Variants in RB1 observed in about 807,000 individuals in gnomAD.
The protein encoded by RB1 is retinoblastoma-associated protein.
A neutral mutation model predicts 135.4 loss-of-function variants in RB1; 18 were observed. The ratio of observed to expected loss-of-function variants is 0.13; its 90% CI spans 0.09 to 0.20. The LOEUF is 0.20. RB1 is among the 10% of genes least tolerant of loss of function. RB1 has a pLI of 1.00. For synonymous variants in RB1, 365 were observed against 373.2 expected, an observed-to-expected ratio of 0.98 and a Z score of 0.25; for missense variants, 868 against 1,110.0, an observed-to-expected ratio of 0.78 and a Z score of 3.10.
chr13:48,364,493 T>C (rs1468219408), intron 8 of RB1, among the ~76,000 whole-genome samples: 2 of 152,220 alleles, frequency 1.3e-5, no homozygotes, highest in African/African-American at 4.8e-5. Flanking sequence ...ATTTAGTATG[T>C]ATATATAGTA....
chr13:48,334,814 G>A (rs1278847481), intron 2 of RB1, among the ~76,000 whole-genome samples: 2 of 152,114 alleles, frequency 1.3e-5, no homozygotes, highest in African/African-American at 2.4e-5. Context: ...TGGTTCAAAT[G>A]AACTCAACTA....
intron 12 of RB1, among the ~76,000 whole-genome samples, chr13:48,374,422 T>G (rs1015246278): frequency 2.6e-5 from 4 of 152,340 alleles, no homozygotes; most frequent in African/African-American, 9.6e-5. Context: ...CTGTGCTTTT[T>G]GTACTTGTTA....
rs1399272353 is a variant in RB1, at chr13:48,463,719, T to C, written c.2107-12T>C. 3 of 1,416,662 alleles carry C rather than the reference T, an allele frequency of 2.1e-6. No individual in the cohort carries two copies. Among genetic ancestry groups the C allele is most frequent in the African/African-American group, 2.8e-5 (2 of 70,940 alleles). 87.8% of individuals were successfully genotyped at this position (1,416,662 alleles called of 1,614,324 possible). On this transcript the variant is annotated splice_polypyrimidine_tract_variant and intron_variant, in intron 20 of 26. Coordinates refer to ENST00000267163, the MANE Select transcript of RB1 (RefSeq NM_000321.3). The stretch of plus-strand genomic sequence containing the variant: ...AAAATTCTGACTACTTTTACATCAA[T>C]TTATTTACTAGATTATGATGTGTTC...
chr13:48,371,051 A>G (rs1473257365), intron 11 of RB1, among the ~76,000 whole-genome samples: 4 of 152,336 alleles, frequency 2.6e-5, no homozygotes, highest in South Asian at 4.1e-4. Flanking sequence ...CTGGGGAACT[A>G]TTAGCAGCTC....
rs756876412 is a variant in RB1 at position 48,459,886 on chromosome 13, ATTCTTTCTTTCT to A, written c.2106+108_2106+119del. 2.1e-4 allele frequency: 211 copies of A among 1,007,132 alleles called. 9 individuals are homozygous for A. Among genetic ancestry groups the A allele is most frequent in the Middle Eastern group, 1.8e-3 (7 of 3,818 alleles). The allele number at this position is 1,007,132 out of a possible 1,614,324, so 62.4% of individuals were successfully genotyped here. On this transcript the variant is annotated intron_variant, in intron 20 of 26. Transcript: ENST00000267163. ...CTCCTCCCTACTTACTTGTTAACTG[ATTCTTTCTTTCT>A]TTCTTTCTTTCTTTCTTTCTTTCTT...
intron 2 of RB1, chr13:48,320,040 C>T (rs1487285884): frequency 1.0e-5 from 5 of 491,772 alleles, no homozygotes; most frequent in East Asian, 4.6e-5. Flanking sequence ...CTGCCAGCCC[C>T]GGGCTGTGCG....
At chr13:48,329,299 T>C (rs1304313592) in intron 2 of RB1, among the ~76,000 whole-genome samples, 2 of 152,216 alleles carry the variant, frequency 1.3e-5, no homozygotes, top group Non-Finnish European at 2.9e-5. Flanking sequence ...AATCATCAGG[T>C]ACCTATTATT....
At chr13:48,355,953 G>T (rs1247229249) in intron 6 of RB1, among the ~76,000 whole-genome samples, 1 of 151,962 alleles carries the variant, frequency 6.6e-6, no homozygotes, top group Non-Finnish European at 1.5e-5. Flanking sequence ...AGGTGAGGAT[G>T]GTTAATGGGT....
At chr13:48,310,806 A>T (rs550493476) in intron 2 of RB1, among the ~76,000 whole-genome samples, 2 of 152,296 alleles carry the variant, frequency 1.3e-5, no homozygotes, top group East Asian at 3.9e-4. Flanking sequence ...TAATCCCTTT[A>T]AAGGAAAAGT....
At chr13:48,339,139 C>T (rs1370312781) in intron 2 of RB1, among the ~76,000 whole-genome samples, 5 of 152,186 alleles carry the variant, frequency 3.3e-5, no homozygotes, top group African/African-American at 1.2e-4. Context: ...CTTGAGGAGG[C>T]AGTCTGTCCA....
At chr13:48,328,324 T>A (rs1952305113) in intron 2 of RB1, 1 of 1,588,056 alleles carries the variant, frequency 6.3e-7, no homozygotes, top group Non-Finnish European at 8.6e-7. Flanking sequence ...GTTGGAACAG[T>A]TTCTTTAGGC....
intron 25 of RB1, 50 bp downstream of exon 25, chr13:48,476,893 G>A (rs761220719): frequency 3.8e-6 from 6 of 1,596,338 alleles, no homozygotes; most frequent in Non-Finnish European, 5.2e-6. Context: ...GTCATCTGGG[G>A]AATCCAGAGT....
chr13:48,386,041 TAA>T (rs59407273), intron 17 of RB1, among the ~76,000 whole-genome samples: 7 of 130,356 alleles, frequency 5.4e-5, no homozygotes, highest in Admixed American at 7.9e-5. Context: ...CCCCATCTCT[TAA>T]AAAAAAAAAA....
At chr13:48,467,328 A>G (rs1949452620) in intron 23 of RB1, among the ~76,000 whole-genome samples, 1 of 134,690 alleles carries the variant, frequency 7.4e-6, no homozygotes. Flanking sequence ...AGTGAAGGAG[A>G]AATAAAATCC....
intron 2 of RB1, among the ~76,000 whole-genome samples, chr13:48,322,417 A>G (rs746260283): frequency 3.9e-5 from 6 of 152,212 alleles, no homozygotes; most frequent in Non-Finnish European, 8.8e-5. Context: ...ATTAGCTTCA[A>G]TAGTTTCTTA....
intron 2 of RB1, among the ~76,000 whole-genome samples, chr13:48,321,946 C>G (rs1952246185): frequency 6.6e-6 from 1 of 152,222 alleles, no homozygotes; most frequent in Non-Finnish European, 1.5e-5. Flanking sequence ...TCTTGAGTTT[C>G]TTGTAGATTC....
intron 6 of RB1, among the ~76,000 whole-genome samples, chr13:48,355,811 G>A (rs1952584674): frequency 6.6e-6 from 1 of 151,988 alleles, no homozygotes; most frequent in Non-Finnish European, 1.5e-5. Flanking sequence ...AATGAAATAA[G>A]CCAGGTACAG....
At chr13:48,390,324 T>C (rs1948601219) in intron 17 of RB1, among the ~76,000 whole-genome samples, 2 of 152,018 alleles carry the variant, frequency 1.3e-5, no homozygotes, top group Admixed American at 1.3e-4. Flanking sequence ...AGTCAAAGAG[T>C]TGTTTCACCT....
chr13:48,344,074 A>T (rs1488349311), intron 3 of RB1, among the ~76,000 whole-genome samples: 1 of 152,200 alleles, frequency 6.6e-6, no homozygotes, highest in African/African-American at 2.4e-5. Flanking sequence ...ATAATTCCTT[A>T]TACAAAATTC....
Sources: allele counts gnomAD v4.1 joint callset (sites outside exome capture counted in the v4.1 genomes callset), GRCh38; gene constraint gnomAD v4.1.1; transcripts MANE v1.5; gene names NCBI Gene and HGNC (gene_info 2026-07-23, HGNC 2026-07-21).